The following BIRC6 variants were observed in gnomAD, a reference collection of about 807,000 sequenced individuals.
BIRC6 encodes baculoviral IAP repeat containing 6, also known as dual E2 ubiquitin-conjugating enzyme/E3 ubiquitin-protein ligase BIRC6.
Under a neutral mutation model 503.3 loss-of-function variants are expected in BIRC6, and 98 were observed. That is an observed-to-expected ratio of 0.19 (90% CI 0.17 to 0.23). The LOEUF (loss-of-function observed/expected upper bound fraction) is 0.23. BIRC6 is among the 10% of genes least tolerant of loss of function. BIRC6 has a pLI of 1.00. For synonymous variants in BIRC6, 2,240 were observed against 2,078.7 expected, an observed-to-expected ratio of 1.08 and a Z score of -2.11; for missense variants, 5,360 against 5,806.0, an observed-to-expected ratio of 0.92 and a Z score of 2.50.
Position 32,504,077 on chromosome 2 carries a change from T to TGTG in BIRC6, c.9499+841_9499+842insGTG, listed in dbSNP as rs58131659. ...GTGTGTGTGTGTGTGTGTGTGTGTGTTTAGTAGAGATGGGGTTTCACCATG... is the reference window on the plus strand; with the variant it reads ...GTGTGTGTGTGTGTGTGTGTGTGTGTGTGTTAGTAGAGATGGGGTTTCACCATG... On this transcript the variant is annotated intron_variant, in intron 49 of 73. Transcript: ENST00000421745. Among the ~76,000 whole-genome samples, 138 of 145,668 alleles carry TGTG rather than the reference T, an allele frequency of 9.5e-4. 3 individuals carry two copies. Among genetic ancestry groups the TGTG allele is most frequent in the African/African-American group, 3.4e-3 (130 of 38,290 alleles).
At chr2:32,387,456 A>G (rs2038635090) in intron 3 of BIRC6, among the ~76,000 whole-genome samples, 1 of 152,200 alleles carries the variant, frequency 6.6e-6, no homozygotes, top group African/African-American at 2.4e-5. Context: ...GGATATAAAG[A>G]TGCAATTACA....
intron 1 of BIRC6, among the ~76,000 whole-genome samples, chr2:32,358,619 G>A (rs559877393): frequency 6.6e-6 from 1 of 152,362 alleles, no homozygotes; most frequent in South Asian, 2.1e-4. Context: ...CAATTCACTT[G>A]TATTTTAACG....
intron 73 of BIRC6, among the ~76,000 whole-genome samples, chr2:32,617,366 A>G (rs371950446): frequency 1.3e-5 from 2 of 152,068 alleles, no homozygotes; most frequent in African/African-American, 4.8e-5. Context: ...GCGCCAGTGC[A>G]CTCCAGCCTG....
At chr2:32,591,952 G>GT (rs1411088412) in intron 66 of BIRC6, among the ~76,000 whole-genome samples, 2 of 152,172 alleles carry the variant, frequency 1.3e-5, no homozygotes, top group Non-Finnish European at 2.9e-5. Context: ...AAATGCAGAA[G>GT]TTGGTAATCT....
intron 27 of BIRC6, 32 bp downstream of exon 27, chr2:32,467,771 C>T (rs1265956406): frequency 6.4e-7 from 1 of 1,560,342 alleles, no homozygotes; most frequent in South Asian, 1.2e-5. Context: ...AATTGATACG[C>T]TTTCTATGTT....
At chr2:32,443,395 T>A (rs951819523) in intron 19 of BIRC6, 96 bp from the exon 20 acceptor site, 1 of 785,272 alleles carries the variant, frequency 1.3e-6, no homozygotes, top group Non-Finnish European at 2.0e-6. Flanking sequence ...CGGTATAGAA[T>A]ACATTTTAAA....
At position 32,357,368 on chromosome 2, in the gene BIRC6, G is replaced by C; in HGVS notation, c.207G>C (p.Gly69=). 1 of 1,547,798 alleles carries C rather than the reference G, an allele frequency of 6.5e-7. No homozygotes were observed. Among genetic ancestry groups the C allele is most frequent in the South Asian group, 1.2e-5 (1 of 83,872 alleles). The change falls in exon 1 of 74, where the codon GGG becomes GGC. Residue 69 remains glycine, a synonymous_variant. Coordinates refer to ENST00000421745, the MANE Select transcript of BIRC6 (RefSeq NM_016252.4). This position sits in a 1 kb window ranked among gnomAD's most constrained non-coding sequence, Gnocchi z 4.9. The part of the protein sequence containing the change: ...RDGCMHCDAD[G]LHSLSYHPAL... ...GCTGCATGCACTGCGACGCCGACGG[G>C]CTGCACAGCCTGTCCTACCACCCTG...
rs34757266 is a variant in BIRC6 at position 32,515,071 on chromosome 2, T to C, written c.10650T>C (p.Cys3550=). ...TTGACAGTCTACTTTGCTCAATGTGTCACGTACACCCAAACTATTTTTCTT... is the reference window on the plus strand; with the variant it reads ...TTGACAGTCTACTTTGCTCAATGTGCCACGTACACCCAAACTATTTTTCTT... ...KAVDSLLCSM[C]HVHPNYFSLL... is the part of the protein sequence containing the mutation. Residue 3550 remains cysteine, a synonymous_variant, in exon 55 of 74, where the codon TGT becomes TGC. Coordinates refer to ENST00000421745, the MANE Select transcript of BIRC6 (RefSeq NM_016252.4). 0.096 allele frequency: 155,037 copies of C among 1,613,810 alleles called. 8,591 individuals are homozygous for C. The highest frequency in any genetic ancestry group is 0.11 in the Non-Finnish European group (132,801 of 1,179,756).
chr2:32,407,160 A>G (rs1315641387), intron 9 of BIRC6, among the ~76,000 whole-genome samples: 2 of 152,052 alleles, frequency 1.3e-5, no homozygotes, highest in African/African-American at 4.8e-5. Context: ...AGTTTTAAGA[A>G]TTAGGCCAGG....
intron 62 of BIRC6, among the ~76,000 whole-genome samples, chr2:32,544,671 T>A (rs997191983): frequency 6.6e-6 from 1 of 151,832 alleles, no homozygotes; most frequent in Non-Finnish European, 1.5e-5. Flanking sequence ...CTAATAAAAC[T>A]ATATGAATTT....
At chr2:32,539,728 C>T (rs1182926931) in intron 61 of BIRC6, among the ~76,000 whole-genome samples, 1 of 152,050 alleles carries the variant, frequency 6.6e-6, no homozygotes. Flanking sequence ...CAGTGGTGTA[C>T]ACTGCCACCT....
At chr2:32,479,219 C>A (rs1196376487) in intron 36 of BIRC6, among the ~76,000 whole-genome samples, 1 of 152,108 alleles carries the variant, frequency 6.6e-6, no homozygotes, top group Non-Finnish European at 1.5e-5. Context: ...AATGTATGTA[C>A]AGTAATTAAA....
At chr2:32,443,266 G>C (rs1319476254) in intron 19 of BIRC6, among the ~76,000 whole-genome samples, 1 of 152,102 alleles carries the variant, frequency 6.6e-6, no homozygotes, top group Non-Finnish European at 1.5e-5. Context: ...GGTCAGTATT[G>C]ACTGTTGTAA....
intron 34 of BIRC6, among the ~76,000 whole-genome samples, chr2:32,476,618 G>T (rs78972438): frequency 0.015 from 2,211 of 152,222 alleles, 33 homozygotes; most frequent in African/African-American, 0.03. Context: ...ATGTGGCATT[G>T]ATAGAGCAGT....
chr2:32,464,414 C>T lies in BIRC6; in HGVS notation c.4942-95C>T, dbSNP rs1419614007. 10 of 1,335,158 alleles carry T rather than the reference C, an allele frequency of 7.5e-6. No individual in the cohort carries two copies. The East Asian group carries it at 2.0e-4, about 27-fold the overall frequency. The allele number at this position is 1,335,158 out of a possible 1,614,324, so 82.7% of individuals were successfully genotyped here. On this transcript the variant is annotated intron_variant, in intron 24 of 73. Transcript: ENST00000421745. ...CATCTTTAAGTATGATCAATTTAAT[C>T]ATGTTTATCTTCATAATATATGTCC...
At chr2:32,514,523 TCTCTGGTAGGTCATCATATTTGGC>T (rs1201124380) in intron 54 of BIRC6, among the ~76,000 whole-genome samples, 4 of 152,344 alleles carry the variant, frequency 2.6e-5, no homozygotes, top group Admixed American at 6.5e-5. Context: ...GGCCTATTGT[TCTCTGGTAGGTCATCATATTTGGC>T]CTTAGCGATT....
chr2:32,532,744 T>C (rs1030094929), intron 61 of BIRC6, among the ~76,000 whole-genome samples: 2 of 152,122 alleles, frequency 1.3e-5, no homozygotes, highest in Non-Finnish European at 2.9e-5. Flanking sequence ...ATGAGCAAAA[T>C]TTTCTTACTA....
At chr2:32,458,207 GC>G (rs1012014788) in intron 23 of BIRC6, among the ~76,000 whole-genome samples, 1 of 151,972 alleles carries the variant, frequency 6.6e-6, no homozygotes, top group African/African-American at 2.4e-5. Context: ...TTGCCCTTCT[GC>G]CCTTTTTTTG....
chr2:32,501,354 AC>A (rs1192077475), intron 46 of BIRC6, among the ~76,000 whole-genome samples: 1 of 152,280 alleles, frequency 6.6e-6, no homozygotes, highest in African/African-American at 2.4e-5. Flanking sequence ...ATATAACAGA[AC>A]AACTTATTTT....
Sources: allele counts gnomAD v4.1 joint callset (sites outside exome capture counted in the v4.1 genomes callset), GRCh38; gene constraint gnomAD v4.1.1; non-coding constraint Gnocchi (gnomAD v3.1); transcripts MANE v1.5; gene names NCBI Gene and HGNC (gene_info 2026-07-23, HGNC 2026-07-21).